Variants in C8orf34 observed in about 807,000 individuals in gnomAD.
C8orf34 encodes uncharacterized protein C8orf34.
In C8orf34, 65 loss-of-function variants were observed where a neutral mutation model predicts 68.3. That is an observed-to-expected ratio of 0.95 (90% confidence interval 0.78 to 1.17). The LOEUF (loss-of-function observed/expected upper bound fraction) is 1.17, where lower values mean the gene tolerates loss of function less well. Among genes scored for constraint, C8orf34 ranks in the 50% most tolerant of loss-of-function variants. The probability of loss-of-function intolerance (pLI) is 0.00; values close to 1 mark genes in which losing one functional copy is unlikely to be tolerated. For missense variants in C8orf34, 664 were observed against 655.4 expected, an observed-to-expected ratio of 1.01 and a Z score of -0.14; for synonymous variants, 244 against 241.2, an observed-to-expected ratio of 1.01 and a Z score of -0.11.
At chr8:68,634,309 G>A (rs547727657) in intron 7 of C8orf34, among the ~76,000 whole-genome samples, 32 of 152,188 alleles carry the variant, frequency 2.1e-4, no homozygotes, top group Non-Finnish European at 4.1e-4. Context: ...TATTTCAAAT[G>A]CCTTTAACTC....
chr8:68,461,405 G>A (rs964014807), intron 3 of C8orf34, among the ~76,000 whole-genome samples: 3 of 152,148 alleles, frequency 2.0e-5, no homozygotes, highest in African/African-American at 4.8e-5. Context: ...AATCTAGCAA[G>A]GCAGGCCAAC....
chr8:68,742,158 T>G (rs1198138914), intron 10 of C8orf34, among the ~76,000 whole-genome samples: 1 of 152,166 alleles, frequency 6.6e-6, no homozygotes, highest in Non-Finnish European at 1.5e-5. Context: ...TCTTCTTTGA[T>G]TTCCCTAAGA....
At chr8:68,399,266 C>T (rs1230863481) in intron 1 of C8orf34, among the ~76,000 whole-genome samples, 1 of 152,096 alleles carries the variant, frequency 6.6e-6, no homozygotes, top group Non-Finnish European at 1.5e-5. Context: ...GTCACCAGAA[C>T]AGCATACATT....
At chr8:68,531,875 C>T (rs985691602) in intron 6 of C8orf34, among the ~76,000 whole-genome samples, 1 of 152,056 alleles carries the variant, frequency 6.6e-6, no homozygotes, top group African/African-American at 2.4e-5. Context: ...TGCAATTCCA[C>T]ACTTAACAGA....
At chr8:68,757,592 G>A (rs1822902160) in intron 10 of C8orf34, among the ~76,000 whole-genome samples, 1 of 152,102 alleles carries the variant, frequency 6.6e-6, no homozygotes, top group Non-Finnish European at 1.5e-5. Context: ...CTGCACTCCA[G>A]CCTGGGCAAT....
At chr8:68,388,730 C>T (rs2129620511) in intron 1 of C8orf34, among the ~76,000 whole-genome samples, 1 of 152,248 alleles carries the variant, frequency 6.6e-6, no homozygotes, top group East Asian at 1.9e-4. Context: ...AGTGCCAAAA[C>T]ACAAAGTAGT....
intron 7 of C8orf34, among the ~76,000 whole-genome samples, chr8:68,610,921 A>G (rs1325704525): frequency 6.9e-6 from 1 of 144,634 alleles, no homozygotes; most frequent in Non-Finnish European, 1.5e-5. Flanking sequence ...CTGGAGTGCA[A>G]TGGTGCTATC....
At chr8:68,425,012 A>G (rs2129624028) in intron 1 of C8orf34, among the ~76,000 whole-genome samples, 1 of 152,346 alleles carries the variant, frequency 6.6e-6, no homozygotes, top group Non-Finnish European at 1.5e-5. Context: ...TCAACATATC[A>G]ATAGGCTAAG....
intron 7 of C8orf34, among the ~76,000 whole-genome samples, chr8:68,558,996 A>T (rs1816339639): frequency 6.6e-6 from 1 of 152,204 alleles, no homozygotes; most frequent in Admixed American, 6.5e-5. Flanking sequence ...ATCACAGAAG[A>T]CATGATTAAC....
intron 10 of C8orf34, among the ~76,000 whole-genome samples, chr8:68,741,927 A>G (rs1405095160): frequency 6.6e-6 from 1 of 152,188 alleles, no homozygotes; most frequent in Non-Finnish European, 1.5e-5. Flanking sequence ...CTCCTCAGTC[A>G]CTGAGAATTT....
chr8:68,454,218 T>G (rs1811458332), intron 3 of C8orf34, among the ~76,000 whole-genome samples: 1 of 152,116 alleles, frequency 6.6e-6, no homozygotes, highest in Non-Finnish European at 1.5e-5. Flanking sequence ...GATATTGGTC[T>G]GTAATCTTCT....
At chr8:68,625,434 G>A in intron 7 of C8orf34, 1 of 529,354 alleles carries the variant, frequency 1.9e-6, no homozygotes, top group Non-Finnish European at 3.4e-6. Flanking sequence ...TGTTATTAAG[G>A]AAGAGCTCAC....
At chr8:68,446,264 G>C in intron 2 of C8orf34, 65 bp from the exon 3 acceptor site, 1 of 1,370,450 alleles carries the variant, frequency 7.3e-7, no homozygotes. Context: ...TGACTTCGTG[G>C]ACTTGGTTTT....
chr8:68,337,463 G>A (rs1287929673), intron 1 of C8orf34, among the ~76,000 whole-genome samples: 1 of 152,170 alleles, frequency 6.6e-6, no homozygotes, highest in Admixed American at 6.5e-5. Context: ...AGAGGCCTCA[G>A]ACTGAAGGGA....
At chr8:68,645,214 C>T (rs1401198465) in intron 8 of C8orf34, among the ~76,000 whole-genome samples, 1 of 152,120 alleles carries the variant, frequency 6.6e-6, no homozygotes, top group African/African-American at 2.4e-5. Context: ...GGGTTTTTAG[C>T]TGTGAAACGG....
chr8:68,478,382 T>A (rs1812715115), intron 4 of C8orf34, among the ~76,000 whole-genome samples: 1 of 152,174 alleles, frequency 6.6e-6, no homozygotes, highest in Non-Finnish European at 1.5e-5. Context: ...ACTATCATCA[T>A]TTTAGTCAAA....
intron 10 of C8orf34, among the ~76,000 whole-genome samples, chr8:68,744,687 A>G (rs1178227969): frequency 1.3e-5 from 2 of 152,192 alleles, no homozygotes; most frequent in African/African-American, 4.8e-5. Flanking sequence ...TTAGAGAAAA[A>G]AGAATAAAAA....
At chr8:68,582,723 A>C (rs1817101378) in intron 7 of C8orf34, among the ~76,000 whole-genome samples, 1 of 152,026 alleles carries the variant, frequency 6.6e-6, no homozygotes, top group Non-Finnish European at 1.5e-5. Context: ...CAACATTTCT[A>C]AACTCTCTGC....
chr8:68,432,837 A>G (rs1458278649), intron 1 of C8orf34, among the ~76,000 whole-genome samples: 1 of 152,146 alleles, frequency 6.6e-6, no homozygotes, highest in African/African-American at 2.4e-5. Flanking sequence ...GTTTCTTACC[A>G]AAGCCAAAAC....
Sources: gnomAD v4.1 joint callset for allele counts (sites outside exome capture counted in the v4.1 genomes callset) on GRCh38, gnomAD v4.1.1 for gene constraint, MANE v1.5 for transcripts, NCBI Gene and HGNC (gene_info 2026-07-23, HGNC 2026-07-21) for gene names.